Variants in GLI3 observed in about 807,000 individuals in gnomAD.
The protein encoded by GLI3 is transcription activator GLI3.
GLI3 carries 20 observed loss-of-function variants against 100.8 expected under a neutral mutation model. The observed-to-expected ratio is 0.20, with a 90% CI of 0.14 to 0.29. The LOEUF (loss-of-function observed/expected upper bound fraction) is 0.29, where lower values mean the gene tolerates loss of function less well. GLI3 is among the 10% of genes least tolerant of loss of function. The pLI, the probability that GLI3 is intolerant of heterozygous loss-of-function variation, is 1.00. For synonymous variants in GLI3, 938 were observed against 860.5 expected (o/e 1.09, Z -1.58); for missense variants, 2,040 against 2,128.5 (o/e 0.96, Z 0.82).
chr7:42,040,019 G>A lies in GLI3; in HGVS notation c.1028+19C>T, dbSNP rs1233097724. 5 of 1,573,026 alleles carry A rather than the reference G, an allele frequency of 3.2e-6. No individual in the cohort carries two copies. Among genetic ancestry groups the A allele is most frequent in the East Asian group, 2.2e-5 (1 of 44,708 alleles). On this transcript the variant is annotated intron_variant, in intron 7 of 14. Transcript: ENST00000395925. ...CATTACATTTAAAAAACACATAATG[G>A]ATTCAGGAAAATACATACCTGATTG...
intron 2 of GLI3, among the ~76,000 whole-genome samples, chr7:42,178,470 A>G (rs1326173560): frequency 1.3e-5 from 2 of 152,182 alleles, no homozygotes; most frequent in African/African-American, 4.8e-5. Flanking sequence ...AAAACAAATT[A>G]AAGCTAAACG....
At chr7:42,207,850 T>C (rs1485957131) in intron 2 of GLI3, among the ~76,000 whole-genome samples, 1 of 152,198 alleles carries the variant, frequency 6.6e-6, no homozygotes, top group Non-Finnish European at 1.5e-5. Flanking sequence ...AATGAGCAAG[T>C]ATTCCTTTCA....
intron 1 of GLI3, among the ~76,000 whole-genome samples, chr7:42,263,866 TACA>T (rs1043555630): frequency 1.3e-4 from 20 of 152,156 alleles, no homozygotes; most frequent in Non-Finnish European, 2.5e-4. Flanking sequence ...CTATGAAACA[TACA>T]ACAACAACAA....
At position 42,208,015 on chromosome 7, in the gene GLI3, G is replaced by A. The variant is rs1012667726; in HGVS notation, c.124+15115C>T. On this transcript the variant is annotated intron_variant, in intron 2 of 14. Transcript: ENST00000395925. ...TCTACTAAAAAATACAAAAATTAGC[G>A]AGGCGTGGTGGCACGTGCCTCTAGT... Among the ~76,000 whole-genome samples the A allele has an allele frequency of 7.2e-5, 11 of 152,124 alleles. No homozygotes were observed. In the East Asian group the frequency reaches 1.2e-3, roughly 16 times the overall value.
intron 4 of GLI3, among the ~76,000 whole-genome samples, chr7:42,064,703 AAGT>A (rs1435359379): frequency 2.0e-5 from 3 of 152,272 alleles, no homozygotes; most frequent in Non-Finnish European, 2.9e-5. Context: ...GTTACGCAGG[AAGT>A]ATTATGGAAG....
intron 2 of GLI3, among the ~76,000 whole-genome samples, chr7:42,154,012 C>T (rs893890140): frequency 6.6e-6 from 1 of 151,040 alleles, no homozygotes. Flanking sequence ...GTTAACAGGA[C>T]AAGAGCTCTG....
chr7:42,157,149 C>A (rs1470465681), intron 2 of GLI3, among the ~76,000 whole-genome samples: 1 of 152,216 alleles, frequency 6.6e-6, no homozygotes, highest in Non-Finnish European at 1.5e-5. Flanking sequence ...TACACTCAAT[C>A]AGCCTCTGGG....
intron 10 of GLI3, among the ~76,000 whole-genome samples, chr7:42,005,789 T>C (rs536570147): frequency 6.6e-6 from 1 of 152,298 alleles, no homozygotes; most frequent in Non-Finnish European, 1.5e-5. Context: ...CCTTGTTTTG[T>C]TCCTCTCGAG....
chr7:42,049,990 C>G (rs1202078079), intron 4 of GLI3, among the ~76,000 whole-genome samples: 2 of 152,194 alleles, frequency 1.3e-5, no homozygotes, highest in Admixed American at 1.3e-4. Flanking sequence ...GCCCGGCCCC[C>G]ATCACCCTGT....
chr7:42,219,947 G>A (rs534619010), intron 2 of GLI3, among the ~76,000 whole-genome samples: 10 of 149,106 alleles, frequency 6.7e-5, no homozygotes, highest in African/African-American at 2.2e-4. Flanking sequence ...TCCACCTCCC[G>A]AATTCACGCC....
intron 4 of GLI3, among the ~76,000 whole-genome samples, chr7:42,056,113 G>A (rs1219434315): frequency 1.3e-5 from 2 of 152,194 alleles, no homozygotes; most frequent in Admixed American, 6.5e-5. Context: ...CCCCAGCCAC[G>A]TGGAACTGTA....
chr7:42,143,248 C>T lies in GLI3; in HGVS notation c.367+4978G>A, dbSNP rs117167716. Among the ~76,000 whole-genome samples, 271 of 152,072 alleles carry T rather than the reference C, an allele frequency of 1.8e-3. 1 individual carries two copies. The highest frequency in any genetic ancestry group is 6.6e-3 in the East Asian group (34 of 5,172). ...GTTAAACAATCTAATTTTCAAAGGGCGGAAAAAAACAAAGCATTTCTGATT... is the reference window on the plus strand; with the variant it reads ...GTTAAACAATCTAATTTTCAAAGGGTGGAAAAAAACAAAGCATTTCTGATT... On this transcript the variant is annotated intron_variant, in intron 3 of 14. Transcript: ENST00000395925.
intron 2 of GLI3, among the ~76,000 whole-genome samples, chr7:42,184,369 C>A (rs766572529): frequency 6.6e-6 from 1 of 152,158 alleles, no homozygotes; most frequent in Admixed American, 6.5e-5. Context: ...GTCTCAGGGT[C>A]CCTCAATCAC....
chr7:41,978,040 T>C, intron 11 of GLI3: 1 of 429,200 alleles, frequency 2.3e-6, no homozygotes, highest in Non-Finnish European at 4.3e-6. Flanking sequence ...AGCACAAAGT[T>C]CATTAATATA....
chr7:42,205,550 C>A (rs1322440143), intron 2 of GLI3, among the ~76,000 whole-genome samples: 1 of 152,136 alleles, frequency 6.6e-6, no homozygotes, highest in African/African-American at 2.4e-5. Context: ...AGCATGCAGC[C>A]CACTGTAGAG....
chr7:42,053,363 G>A (rs182859577), intron 4 of GLI3, among the ~76,000 whole-genome samples: 32 of 152,284 alleles, frequency 2.1e-4, no homozygotes, highest in African/African-American at 7.5e-4. Flanking sequence ...AATTTATCAG[G>A]CAGACGTGTG....
At chr7:42,197,172 T>C (rs1013748999) in intron 2 of GLI3, among the ~76,000 whole-genome samples, 10 of 152,234 alleles carry the variant, frequency 6.6e-5, no homozygotes, top group Non-Finnish European at 8.8e-5. Flanking sequence ...TGTGTCCCTC[T>C]TAACGTCATC....
intron 10 of GLI3, 78 bp downstream of exon 10, chr7:42,023,390 C>T: frequency 1.4e-6 from 2 of 1,465,284 alleles, no homozygotes; most frequent in South Asian, 1.1e-5. Context: ...CTTGACTCAG[C>T]TCAGGGTCAG....
At chr7:42,157,882 G>A (rs1286398265) in intron 2 of GLI3, among the ~76,000 whole-genome samples, 1 of 152,090 alleles carries the variant, frequency 6.6e-6, no homozygotes, top group East Asian at 1.9e-4. Flanking sequence ...CAGGAGGCTA[G>A]GTGTGCACAT....
Sources: allele counts gnomAD v4.1 joint callset (sites outside exome capture counted in the v4.1 genomes callset), GRCh38; gene constraint gnomAD v4.1.1; transcripts MANE v1.5; gene names NCBI Gene and HGNC (gene_info 2026-07-23, HGNC 2026-07-21).